RGPD2: variants seen among roughly 807,000 people sequenced by gnomAD.
RGPD2 encodes the protein RANBP2 like and GRIP domain containing 2.
RGPD2 carries 2 observed loss-of-function variants against 36.0 expected under a neutral mutation model. The ratio of observed to expected loss-of-function variants is 0.06; its 90% confidence interval spans 0.02 to 0.17. The LOEUF (loss-of-function observed/expected upper bound fraction) is 0.17, where lower values mean the gene tolerates loss of function less well. Ranked by LOEUF, RGPD2 falls within the 10% of genes least tolerant of loss-of-function variation. The pLI is 1.00. For missense variants in RGPD2, 40 were observed against 464.3 expected, an observed-to-expected ratio of 0.09 and a Z score of 8.40; for synonymous variants, 19 against 163.8, an observed-to-expected ratio of 0.12 and a Z score of 6.75.
At chr2:87,825,576 CCAGGT>C (rs1168777537) in intron 1 of RGPD2, 77 bp downstream of exon 1, 2 of 1,127,602 alleles carry the variant, frequency 1.8e-6, no homozygotes, top group African/African-American at 3.8e-5. Flanking sequence ...CGCCGCCCGG[CCAGGT>C]CGAGGCCGCC....
At chr2:87,836,658 T>G in the RGPD2 span, among the ~76,000 whole-genome samples, 1 of 151,514 alleles carries the variant, frequency 6.6e-6, no homozygotes, top group East Asian at 1.9e-4. Context: ...TCATTGACAA[T>G]GTAAATGAAC....
At chr2:87,866,665 G>A in the RGPD2 span, among the ~76,000 whole-genome samples, 1 of 152,232 alleles carries the variant, frequency 6.6e-6, no homozygotes, top group Non-Finnish European at 1.5e-5. Context: ...CTTCCCTCCT[G>A]GATGGGGTGC....
rs1169805697 is a variant in RGPD2 at position 87,825,668 on chromosome 2, G to C, written c.62C>G (p.Ser21Trp). The C allele has an allele frequency of 6.3e-7, 1 of 1,587,924 alleles. No homozygotes were observed. Among genetic ancestry groups the C allele is most frequent in the East Asian group, 2.3e-5 (1 of 43,728 alleles). ...TCGAGATCCACTCACCTTTCCAGGCGACGGGGCGGAGCCCTGCACCGAGGC... is the reference window on the plus strand; with the variant it reads ...TCGAGATCCACTCACCTTTCCAGGCCACGGGGCGGAGCCCTGCACCGAGGC... ...YLASVQGSAPSPGKKLRGFYF... is the reference protein window; with the variant it reads ...YLASVQGSAPWPGKKLRGFYF... Residue 21 changes from serine (S) to tryptophan (W), a missense_variant, in exon 1 of 23, where the codon TCG (serine) becomes TGG (tryptophan). Coordinates refer to ENST00000398146, the MANE Select transcript of RGPD2 (RefSeq NM_001078170.3).
the RGPD2 span, among the ~76,000 whole-genome samples, chr2:87,897,033 C>A: frequency 6.6e-6 from 1 of 152,300 alleles, no homozygotes; most frequent in Non-Finnish European, 1.5e-5. Flanking sequence ...TTTATTTAGT[C>A]TTCCGCATGA....
the RGPD2 span, among the ~76,000 whole-genome samples, chr2:87,920,926 A>T: frequency 1.6e-5 from 2 of 121,754 alleles, no homozygotes; most frequent in South Asian, 2.4e-4. Context: ...TTCTTTTCCT[A>T]CAGGGTAATG....
At chr2:87,852,691 G>A in the RGPD2 span, among the ~76,000 whole-genome samples, 5 of 152,392 alleles carry the variant, frequency 3.3e-5, no homozygotes, top group South Asian at 1.0e-3. Flanking sequence ...CACATTTGCT[G>A]TTTCTACTGC....
the RGPD2 span, among the ~76,000 whole-genome samples, chr2:87,977,489 G>A: frequency 2.0e-5 from 3 of 151,016 alleles, no homozygotes; most frequent in Admixed American, 6.6e-5. Context: ...TATTCATCTG[G>A]CAAACAATCT....
intron 22 of RGPD2, among the ~76,000 whole-genome samples, chr2:87,769,146 TGAGTA>T (rs1219516239): frequency 1.2e-4 from 11 of 91,720 alleles, no homozygotes; most frequent in East Asian, 4.1e-4. Context: ...TTTTGTATTC[TGAGTA>T]GAGACGGGGT....
At chr2:87,829,501 A>G (rs1558742431), upstream of RGPD2, among the ~76,000 whole-genome samples, 2 of 152,160 alleles carry the variant, frequency 1.3e-5, no homozygotes, top group Non-Finnish European at 2.9e-5. Context: ...AATTTAAAAA[A>G]ACAAAAAAAC....
the RGPD2 span, among the ~76,000 whole-genome samples, chr2:87,960,116 C>T: frequency 1.2e-3 from 169 of 146,800 alleles, no homozygotes; most frequent in East Asian, 0.029. Flanking sequence ...TAAACATAGT[C>T]GTGTTTGTCT....
the RGPD2 span, among the ~76,000 whole-genome samples, chr2:87,966,477 T>C: frequency 6.7e-6 from 1 of 149,670 alleles, no homozygotes; most frequent in Non-Finnish European, 1.5e-5. Context: ...CTCAAAAGTG[T>C]TGACCCTATG....
At chr2:87,809,612 G>A (rs1260651267) in intron 6 of RGPD2, among the ~76,000 whole-genome samples, 2 of 137,214 alleles carry the variant, frequency 1.5e-5, no homozygotes, top group Non-Finnish European at 3.2e-5. Flanking sequence ...CACAAGGGGG[G>A]GTAACAAAGG....
At chr2:87,964,802 T>TA in the RGPD2 span, among the ~76,000 whole-genome samples, 2 of 84,272 alleles carry the variant, frequency 2.4e-5, no homozygotes, top group Non-Finnish European at 5.6e-5. Context: ...GAAGGAATTC[T>TA]TTTTATTTAT....
At chr2:87,985,715 G>A in the RGPD2 span, 3 of 1,560,230 alleles carry the variant, frequency 1.9e-6, no homozygotes, top group Non-Finnish European at 2.6e-6. Context: ...GAAAACAATT[G>A]TATTTACTTA....
At chr2:87,759,058 C>A (rs1684836374) in intron 22 of RGPD2, among the ~76,000 whole-genome samples, 1 of 143,226 alleles carries the variant, frequency 7.0e-6, no homozygotes, top group Non-Finnish European at 1.6e-5. Flanking sequence ...CTCTCATTGC[C>A]CAGGCTAGAG....
chr2:87,773,382 GAA>G (rs1247468028), intron 21 of RGPD2, among the ~76,000 whole-genome samples: 1 of 151,554 alleles, frequency 6.6e-6, no homozygotes, highest in African/African-American at 2.4e-5. Context: ...AAGAAATCAT[GAA>G]GAGAGTATAA....
the RGPD2 span, among the ~76,000 whole-genome samples, chr2:87,881,061 T>A: frequency 1.3e-5 from 2 of 151,148 alleles, no homozygotes; most frequent in African/African-American, 4.9e-5. Flanking sequence ...ATACATGTCA[T>A]GCATCTGGGG....
intron 1 of RGPD2, among the ~76,000 whole-genome samples, chr2:87,825,453 CGAG>C (rs1686700373): frequency 9.5e-6 from 1 of 105,508 alleles, no homozygotes; most frequent in Non-Finnish European, 2.3e-5. Flanking sequence ...CCGGCCAGGC[CGAG>C]GCCGAGGCCG....
At chr2:87,964,596 C>G in the RGPD2 span, among the ~76,000 whole-genome samples, 2 of 151,708 alleles carry the variant, frequency 1.3e-5, no homozygotes, top group Non-Finnish European at 2.9e-5. Context: ...TACAGTGGCA[C>G]GATCTCAGCT....
Sources: allele counts gnomAD v4.1 joint callset (sites outside exome capture counted in the v4.1 genomes callset), GRCh38; gene constraint gnomAD v4.1.1; transcripts MANE v1.5; gene names NCBI Gene and HGNC (gene_info 2026-07-23, HGNC 2026-07-21).